The following BEND7 variants were observed in gnomAD, a reference collection of about 807,000 sequenced individuals.
BEND7 encodes BEN domain-containing protein 7.
A neutral mutation model predicts 50.9 loss-of-function variants in BEND7; 28 were observed. The ratio of observed to expected loss-of-function variants is 0.55; its 90% CI spans 0.41 to 0.75. The LOEUF is 0.75. BEND7 is among the 30% of genes least tolerant of loss of function. BEND7 has a pLI of 0.00. For missense variants in BEND7, 477 were observed against 491.3 expected (o/e 0.97, Z 0.28); for synonymous variants, 170 against 183.9 (o/e 0.92, Z 0.61).
At chr10:13,491,821 G>A (rs148678364) in intron 5 of BEND7, among the ~76,000 whole-genome samples, 4 of 152,196 alleles carry the variant, frequency 2.6e-5, no homozygotes, top group African/African-American at 9.6e-5. Flanking sequence ...GCGGGAGTTC[G>A]CAGCAGGATT....
At chr10:13,497,066 G>A (rs1048059573) in intron 3 of BEND7, 178 bp from the exon 4 acceptor site, 14 of 764,158 alleles carry the variant, frequency 1.8e-5, no homozygotes, top group Non-Finnish European at 2.7e-5. Context: ...AAATCTGGGG[G>A]TCTGACTTTA....
At chr10:13,456,607 G>A (rs1227178725) in intron 6 of BEND7, among the ~76,000 whole-genome samples, 1 of 152,164 alleles carries the variant, frequency 6.6e-6, no homozygotes, top group Non-Finnish European at 1.5e-5. Context: ...GGGGCCGGGA[G>A]AGCAAGGTGG....
chr10:13,460,224 C>T lies in BEND7; in HGVS notation c.1064-7566G>A, dbSNP rs146602093. The T allele has an allele frequency of 4.0e-4, 62 of 153,426 alleles. 1 individual carries two copies. In the East Asian group the frequency reaches 8.1e-3, roughly 20 times the overall value. 9.5% of individuals were successfully genotyped at this position (153,426 alleles called of 1,614,324 possible). On this transcript the variant is annotated intron_variant, in intron 6 of 8. Transcript: ENST00000466271. ...CAGGGAGGAGAGGATGAAGCAGATG[C>T]GCAAAGAGAGGCAGGGACCAGAGAC...
In BEND7 at chr10:13,484,461, GCT is replaced by G. The variant is rs202223812; in HGVS notation, c.838-3339_838-3338del. On this transcript the variant is annotated intron_variant, in intron 5 of 8. Transcript: ENST00000466271. ...TACGTATATTTAAAAACAGGATAAA[GCT>G]CTTTCTTTAATTGTATCATTGAAAT... Among the ~76,000 whole-genome samples the G allele has an allele frequency of 9.1e-3, 1,383 of 152,278 alleles. 5 individuals are homozygous for G. Among genetic ancestry groups the G allele is most frequent in the Non-Finnish European group, 0.015 (1,013 of 68,020 alleles).
At chr10:13,511,396 G>A (rs1292072220) in intron 2 of BEND7, 2 of 152,094 alleles carry the variant, frequency 1.3e-5, no homozygotes, top group Non-Finnish European at 2.9e-5. Context: ...TGACTGTTTC[G>A]AAGGAAAAAT....
At chr10:13,438,760 C>A, downstream of BEND7, 1 of 166,482 alleles carries the variant, frequency 6.0e-6, no homozygotes, top group South Asian at 1.8e-4. Flanking sequence ...GGGGAAAAGG[C>A]AAGTCCACGT....
intron 6 of BEND7, among the ~76,000 whole-genome samples, chr10:13,471,266 A>G (rs2074799478): frequency 6.6e-6 from 1 of 152,262 alleles, no homozygotes; most frequent in Admixed American, 6.5e-5. Flanking sequence ...TGTTGTTAGC[A>G]GAAATTTCAT....
At chr10:13,486,789 A>G (rs1471786360) in intron 5 of BEND7, among the ~76,000 whole-genome samples, 1 of 152,226 alleles carries the variant, frequency 6.6e-6, no homozygotes, top group Non-Finnish European at 1.5e-5. Flanking sequence ...CCCGTCTTTT[A>G]GAGATGCTTT....
At chr10:13,519,210 C>T (rs190951192) in intron 2 of BEND7, among the ~76,000 whole-genome samples, 1 of 152,242 alleles carries the variant, frequency 6.6e-6, no homozygotes, top group East Asian at 1.9e-4. Context: ...CGGTGGCTCA[C>T]GCCTGTAATC....
chr10:13,517,370 G>A (rs996910083), intron 2 of BEND7, among the ~76,000 whole-genome samples: 1 of 152,112 alleles, frequency 6.6e-6, no homozygotes, highest in African/African-American at 2.4e-5. Context: ...TGCACATGGA[G>A]GCAAGAGGGG....
chr10:13,478,735 T>C (rs1322357508), intron 6 of BEND7, among the ~76,000 whole-genome samples: 1 of 151,814 alleles, frequency 6.6e-6, no homozygotes, highest in Non-Finnish European at 1.5e-5. Context: ...GAATAAACAC[T>C]GCAAATAAAA....
At chr10:13,522,768 AAGTGG>A in intron 2 of BEND7, among the ~76,000 whole-genome samples, 1 of 152,138 alleles carries the variant, frequency 6.6e-6, no homozygotes, top group Admixed American at 6.5e-5. Flanking sequence ...ACAGGCGGTT[AAGTGG>A]AGTGTTCAAA....
intron 6 of BEND7, among the ~76,000 whole-genome samples, chr10:13,474,999 A>C (rs928261420): frequency 6.6e-6 from 1 of 152,194 alleles, no homozygotes; most frequent in African/African-American, 2.4e-5. Context: ...TTAGCATGGG[A>C]CCCAGAAGTC....
At chr10:13,454,509 A>G (rs942129445) in intron 6 of BEND7, among the ~76,000 whole-genome samples, 18 of 152,024 alleles carry the variant, frequency 1.2e-4, no homozygotes, top group Admixed American at 2.0e-4. Context: ...GGTTCCAGCT[A>G]CTCTGGAGGC....
chr10:13,506,832 G>T (rs922215444), intron 2 of BEND7, among the ~76,000 whole-genome samples: 43 of 152,116 alleles, frequency 2.8e-4, no homozygotes, highest in Non-Finnish European at 5.9e-5. Flanking sequence ...TTTGCTGGGG[G>T]TGGAGGCGGG....
At chr10:13,517,859 C>T (rs1332585046) in intron 2 of BEND7, among the ~76,000 whole-genome samples, 2 of 152,186 alleles carry the variant, frequency 1.3e-5, no homozygotes, top group Admixed American at 6.5e-5. Context: ...TTCTGCCCTT[C>T]GCCAGCCCCG....
intron 4 of BEND7, among the ~76,000 whole-genome samples, chr10:13,495,733 C>T (rs991164528): frequency 1.3e-5 from 2 of 152,178 alleles, no homozygotes; most frequent in African/African-American, 2.4e-5. Context: ...ACTGATATAT[C>T]TAAGTATTAA....
chr10:13,480,363 G>A (rs549784574), intron 6 of BEND7, among the ~76,000 whole-genome samples: 1 of 152,244 alleles, frequency 6.6e-6, no homozygotes, highest in South Asian at 2.1e-4. Context: ...ATGACTCCAC[G>A]GCACAAAACA....
In BEND7 at chr10:13,492,745, G is replaced by C. The variant is rs2076755100; in HGVS notation, c.703C>G (p.Pro235Ala). The C allele has an allele frequency of 1.9e-6, 3 of 1,614,032 alleles. No individual in the cohort carries two copies. The highest frequency in any genetic ancestry group is 2.5e-6 in the Non-Finnish European group (3 of 1,179,992). The change falls in exon 5 of 9, where the codon CCC (proline) becomes GCC (alanine). Residue 235 changes from proline to alanine, a missense_variant. Transcript: ENST00000466271. ...TVEPLTVKQKPSGSEMEKKSV... is the reference protein window; with the variant it reads ...TVEPLTVKQKASGSEMEKKSV... ...TTTTTCTCCATCTCTGACCCACTGG[G>C]CTTCTGTTTCACAGTAAGAGGTTCC...
Sources: allele counts gnomAD v4.1 joint callset (sites outside exome capture counted in the v4.1 genomes callset), GRCh38; gene constraint gnomAD v4.1.1; transcripts MANE v1.5; gene names NCBI Gene and HGNC (gene_info 2026-07-23, HGNC 2026-07-21).